Variants in MED23 observed in about 807,000 individuals in gnomAD.
MED23 encodes the protein mediator of RNA polymerase II transcription subunit 23.
In MED23, 105 loss-of-function variants were observed where a neutral mutation model predicts 163.9. That is an observed-to-expected ratio of 0.64 (90% CI 0.55 to 0.75). The LOEUF (loss-of-function observed/expected upper bound fraction) is 0.75. MED23 is among the 30% of genes least tolerant of loss of function. MED23 has a pLI of 0.00. For synonymous variants in MED23, 561 were observed against 565.6 expected, an observed-to-expected ratio of 0.99 and a Z score of 0.12; for missense variants, 1,054 against 1,649.0, an observed-to-expected ratio of 0.64 and a Z score of 6.25.
chr6:131,628,278 C>A (rs1431595743), upstream of MED23: 25 of 564,612 alleles, frequency 4.4e-5, no homozygotes, highest in South Asian at 4.9e-4. Context: ...GCAAACCCCG[C>A]AGAAACCAGC....
chr6:131,591,635 G>T, intron 25 of MED23, 108 bp from the exon 26 acceptor site: 1 of 874,684 alleles, frequency 1.1e-6, no homozygotes, highest in Non-Finnish European at 1.8e-6. Flanking sequence ...TATTTTTCCA[G>T]CTTCTGCACA....
chr6:131,578,211 C>T (rs1773724419), intron 30 of MED23, among the ~76,000 whole-genome samples: 1 of 147,678 alleles, frequency 6.8e-6, no homozygotes, highest in African/African-American at 2.5e-5. Flanking sequence ...AAGACAAATA[C>T]AGACACCCAG....
intron 20 of MED23, among the ~76,000 whole-genome samples, chr6:131,597,210 C>G (rs1467527044): frequency 6.6e-6 from 1 of 152,048 alleles, no homozygotes; most frequent in Non-Finnish European, 1.5e-5. Flanking sequence ...GGCGCGGTGG[C>G]TCACACTTGT....
At chr6:131,620,870 A>T in intron 6 of MED23, 141 bp from the exon 7 acceptor site, 2 of 536,240 alleles carry the variant, frequency 3.7e-6, no homozygotes, top group Non-Finnish European at 6.4e-6. Context: ...TGGCGTAATC[A>T]TGGCTCACTA....
intron 3 of MED23, among the ~76,000 whole-genome samples, chr6:131,625,979 G>T (rs112951374): frequency 1.3e-5 from 2 of 151,578 alleles, no homozygotes; most frequent in African/African-American, 4.8e-5. Context: ...AAAATGAGCC[G>T]GGCGTGATAG....
chr6:131,626,867 C>T (rs530806906), intron 3 of MED23: 103 of 156,090 alleles, frequency 6.6e-4, no homozygotes, highest in Non-Finnish European at 1.2e-3. Flanking sequence ...GTGAGCTCTT[C>T]GAGGATGACA....
rs889400195 is a variant in MED23, at chr6:131,610,783, G to A, written c.877-537C>T. Reference sequence around the variant, plus strand: ...ATAGCTACCAGATTATTCAACATCTGTTTTCAATGTGTGGTATTCGTCCTG... The same window carrying A: ...ATAGCTACCAGATTATTCAACATCTATTTTCAATGTGTGGTATTCGTCCTG... On this transcript the variant is annotated intron_variant, in intron 10 of 28. Coordinates refer to ENST00000368068, the MANE Select transcript of MED23 (RefSeq NM_004830.4). Among the ~76,000 whole-genome samples, 10 of 152,232 alleles carry A rather than the reference G, an allele frequency of 6.6e-5. 1 individual carries two copies. The Middle Eastern group carries it at 0.01, about 155-fold the overall frequency.
At chr6:131,592,919 A>G (rs1045655491) in intron 24 of MED23, 87 bp downstream of exon 24, 8 of 1,503,904 alleles carry the variant, frequency 5.3e-6, no homozygotes, top group African/African-American at 1.4e-5. Flanking sequence ...GCCTTGCGGC[A>G]ACAGGTTTGT....
rs1192130909 is a variant in MED23 at position 131,620,678 on chromosome 6, CA to C, written c.546del (p.Phe182LeufsTer23). 1 of 1,613,368 alleles carries C rather than the reference CA, an allele frequency of 6.2e-7. No homozygotes were observed. ...ERNACLLPAY[F>X]AVTEIRKLYP... ...TACAGTTTCCTGATCTCAGTGACTG[CA>C]AAATAGGCTGGTAATAAGCAGGCAT... On this transcript the variant is annotated frameshift_variant, in exon 7 of 29. Transcript: ENST00000368068. LOFTEE classifies it high-confidence loss of function.
Position 131,618,409 on chromosome 6 carries a change from T to C in MED23, c.778A>G (p.Lys260Glu). The change falls in exon 9 of 29, where the codon AAG becomes GAG. Residue 260 changes from lysine to glutamate, a missense_variant and splice_region_variant. Physicochemically the swap from Lys to Glu is moderately conservative, Grantham distance 56. Around this residue, in one of 11 missense-constraint regions of MED23, gnomAD observed 54 missense variants for 79.7 expected, o/e 0.68. Transcript: ENST00000368068. ...TGCCATTATATTTAGCAACATACCTTATCATATGGCAAAAGGCCTTTCAAA... is the reference window on the plus strand; with the variant it reads ...TGCCATTATATTTAGCAACATACCTCATCATATGGCAAAAGGCCTTTCAAA... ...FPLKGLLPYD[K>E]DLFEPQTALL... 1 of 1,608,194 alleles carries C rather than the reference T, an allele frequency of 6.2e-7. No individual in the cohort carries two copies. The highest frequency in any genetic ancestry group is 8.5e-7 in the Non-Finnish European group (1 of 1,174,756).
Position 131,593,010 on chromosome 6 carries a change from T to C in MED23, c.3394A>G (p.Lys1132Glu). 1.2e-6 allele frequency: 2 copies of C among 1,614,142 alleles called. No individual in the cohort carries two copies. The highest frequency in any genetic ancestry group is 1.7e-6 in the Non-Finnish European group (2 of 1,180,016). ...TGCATGAACCAGAATACATACCTTT[T>C]TAGGACAACATTTAGAAGGGCATTC... ...VGNALLNVVL[K>E]SQPLVPRENI... The change falls in exon 24 of 29, where the codon AAA becomes GAA. Residue 1132 changes from lysine (K) to glutamate (E), a missense_variant. Lys to Glu is a moderately conservative substitution (Grantham distance 56, BLOSUM62 1). Transcript: ENST00000368068.
At chr6:131,602,483 C>T in intron 16 of MED23, 102 bp from the exon 17 acceptor site, 1 of 1,068,114 alleles carries the variant, frequency 9.4e-7, no homozygotes, top group Non-Finnish European at 1.3e-6. Flanking sequence ...TATGACTATC[C>T]CTTCTTTAAA....
intron 22 of MED23, among the ~76,000 whole-genome samples, chr6:131,594,791 A>C (rs749990723): frequency 3.3e-5 from 5 of 151,358 alleles, no homozygotes; most frequent in Admixed American, 6.6e-5. Context: ...AACAGGGTAC[A>C]GAACACTTGT....
chr6:131,580,279 G>A (rs915494836), intron 30 of MED23, among the ~76,000 whole-genome samples: 4 of 152,098 alleles, frequency 2.6e-5, no homozygotes, highest in East Asian at 1.9e-4. Context: ...ACTGAGGCTC[G>A]CTTTCTTTGT....
At chr6:131,615,503 C>CAAAAAAAAAAAAAAAAAAAAAAAAAAA (rs917020235) in intron 10 of MED23, among the ~76,000 whole-genome samples, 6 of 14,160 alleles carry the variant, frequency 4.2e-4, no homozygotes, top group African/African-American at 9.1e-4. Context: ...AAACACACAC[C>CAAAAAAAAAAAAAAAAAAAAAAAAAAA]AAAAAAAAAA....
chr6:131,593,349 A>G (rs1386841634), intron 23 of MED23, among the ~76,000 whole-genome samples, 178 bp from the exon 24 acceptor site: 1 of 152,230 alleles, frequency 6.6e-6, no homozygotes, highest in Non-Finnish European at 1.5e-5. Flanking sequence ...TTGATTAACC[A>G]CAGGTATAAA....
At position 131,574,378 on chromosome 6, in the gene MED23, G is replaced by A. The variant is rs73544620; in HGVS notation, c.4096-83C>T. ...CAGTAAATACTACTTTGCTTCCCCT[G>A]GAAATCCTCCAAAAGTCTCTCCCAA... On this transcript the variant is annotated intron_variant, in intron 30 of 30. Coordinates refer to the MED23 transcript ENST00000354577. 3.9e-3 allele frequency: 5,940 copies of A among 1,508,348 alleles called. 217 individuals carry two copies. In the African/African-American group the frequency reaches 0.071, roughly 18 times the overall value. 93.4% of individuals were successfully genotyped at this position (1,508,348 alleles called of 1,614,324 possible).
intron 5 of MED23, among the ~76,000 whole-genome samples, 173 bp downstream of exon 5, chr6:131,623,178 G>A (rs760718140): frequency 2.6e-5 from 4 of 152,142 alleles, no homozygotes; most frequent in East Asian, 3.8e-4. Flanking sequence ...GGGGAGTAGC[G>A]GAGCCAGGGA....
At chr6:131,607,521 G>A (rs1321202621) in intron 12 of MED23, among the ~76,000 whole-genome samples, 1 of 151,698 alleles carries the variant, frequency 6.6e-6, no homozygotes, top group Non-Finnish European at 1.5e-5. Context: ...CTCCAGCCTG[G>A]GTGACAACAG....
Sources: allele counts gnomAD v4.1 joint callset (sites outside exome capture counted in the v4.1 genomes callset), GRCh38; gene constraint gnomAD v4.1.1; regional missense constraint gnomAD v4.1.1; transcripts MANE v1.5; gene names NCBI Gene and HGNC (gene_info 2026-07-23, HGNC 2026-07-21).